Variants in ZNF131 observed in about 807,000 individuals in gnomAD.
The protein encoded by ZNF131 is zinc finger and BTB domain containing 35.
ZNF131 carries 7 observed loss-of-function variants against 60.0 expected under a neutral mutation model. That is an observed-to-expected ratio of 0.12 (90% confidence interval 0.07 to 0.22). ZNF131 has a LOEUF of 0.22. Ranked by LOEUF, ZNF131 falls within the 10% of genes least tolerant of loss-of-function variation. The pLI is 1.00. For missense variants in ZNF131, 493 were observed against 740.9 expected (o/e 0.67, Z 3.88); for synonymous variants, 257 against 253.2 (o/e 1.01, Z -0.14).
chr5:43,141,333 A>ATAATCTTTTTG (rs1746796373), intron 4 of ZNF131, among the ~76,000 whole-genome samples: 2 of 152,128 alleles, frequency 1.3e-5, no homozygotes, highest in African/African-American at 4.8e-5. Flanking sequence ...TCTTCTCAAA[A>ATAATCTTTTTG]AGATTAAAGG....
chr5:43,157,588 T>G (rs1036913400), intron 4 of ZNF131, among the ~76,000 whole-genome samples: 4 of 152,334 alleles, frequency 2.6e-5, no homozygotes, highest in Admixed American at 1.3e-4. Flanking sequence ...CCAATACTCT[T>G]CCTGCAACCA....
intron 5 of ZNF131, 67 bp downstream of exon 5, chr5:43,161,998 C>A: frequency 3.5e-6 from 5 of 1,435,252 alleles, no homozygotes; most frequent in Non-Finnish European, 4.6e-6. Flanking sequence ...GTATCTAAAT[C>A]CTTTTTAAAA....
At chr5:43,150,262 T>C (rs1748132105) in intron 4 of ZNF131, among the ~76,000 whole-genome samples, 1 of 152,212 alleles carries the variant, frequency 6.6e-6, no homozygotes, top group Non-Finnish European at 1.5e-5. Context: ...CTCTCCACTC[T>C]GGAAGAGGAC....
intron 3 of ZNF131, among the ~76,000 whole-genome samples, chr5:43,128,656 CAAAAAA>C (rs1170687481): frequency 8.6e-5 from 6 of 70,114 alleles, no homozygotes; most frequent in Non-Finnish European, 1.3e-4. Context: ...GACTCCATCT[CAAAAAA>C]AAAAAAAAAA....
intron 4 of ZNF131, among the ~76,000 whole-genome samples, chr5:43,157,698 T>G (rs964814237): frequency 1.3e-5 from 2 of 152,214 alleles, no homozygotes; most frequent in South Asian, 2.1e-4. Context: ...GAGAAATGTG[T>G]TGTTTCTCAG....
chr5:43,149,583 G>A (rs34973629), intron 4 of ZNF131, among the ~76,000 whole-genome samples: 14,769 of 152,210 alleles, frequency 0.097, 853 homozygotes, highest in East Asian at 0.19. Context: ...TGTATGGTAA[G>A]TATATGTTTA....
At chr5:43,129,775 C>T (rs1745059097) in intron 3 of ZNF131, among the ~76,000 whole-genome samples, 1 of 152,126 alleles carries the variant, frequency 6.6e-6, no homozygotes, top group African/African-American at 2.4e-5. Context: ...CTGCCTCAGC[C>T]TCCCCAGTGG....
At chr5:43,138,023 C>T (rs965209616) in intron 3 of ZNF131, among the ~76,000 whole-genome samples, 1 of 152,152 alleles carries the variant, frequency 6.6e-6, no homozygotes, top group Non-Finnish European at 1.5e-5. Flanking sequence ...ATAGTCACTT[C>T]CACTCATATG....
rs1441308958 is a variant in ZNF131 at position 43,176,112 on chromosome 5, C to T, written c.*979C>T. On this transcript the variant is annotated 3_prime_UTR_variant, in exon 7 of 7. Transcript: ENST00000682664. ...TTGTTTTGAATGGAATCTTTTCCCC[C>T]AATTCTTAATGTAAAGATCTTGTGC... 1 of 152,138 alleles carries T rather than the reference C, an allele frequency of 6.6e-6. No homozygotes were observed. The highest frequency in any genetic ancestry group is 1.9e-4 in the East Asian group (1 of 5,198). The allele number at this position is 152,138 out of a possible 1,614,324, so 9.4% of individuals were successfully genotyped here.
chr5:43,174,365 T>A, intron 6 of ZNF131, 82 bp from the exon 7 acceptor site: 1 of 1,258,966 alleles, frequency 7.9e-7, no homozygotes, highest in South Asian at 1.8e-5. Flanking sequence ...CTTCAATCTT[T>A]TCTTTACAGA....
intron 5 of ZNF131, among the ~76,000 whole-genome samples, chr5:43,167,507 C>A (rs1209421097): frequency 6.6e-6 from 1 of 152,086 alleles, no homozygotes; most frequent in Non-Finnish European, 1.5e-5. Context: ...AACGTATATA[C>A]CCCATTAGTT....
Position 43,162,969 on chromosome 5 carries a change from C to CTTTTTTTTTTTTTTTTTTTTTT in ZNF131, c.1054+1056_1054+1057insTTTTTTTTTTTTTTTTTTTTTT, listed in dbSNP as rs1205635519. On this transcript the variant is annotated intron_variant, in intron 5 of 6. Coordinates refer to ENST00000682664, the MANE Select transcript of ZNF131 (RefSeq NM_001330707.2). Reference sequence around the variant, plus strand: ...TTTATACTTCTTTTCTTTTATTTGCCTTTTTTTTTTTTTTTTTTGGCAGAT... The same window carrying CTTTTTTTTTTTTTTTTTTTTTT: ...TTTATACTTCTTTTCTTTTATTTGCCTTTTTTTTTTTTTTTTTTTTTTTTTTTTTTTTTTTTTTTTGGCAGAT... 3.7e-4 allele frequency among the ~76,000 whole-genome samples: 24 copies of CTTTTTTTTTTTTTTTTTTTTTT among 64,924 alleles called. 4 individuals are homozygous for CTTTTTTTTTTTTTTTTTTTTTT. The highest frequency in any genetic ancestry group is 8.9e-4 in the Admixed American group (3 of 3,370). 42.6% of individuals were successfully genotyped at this position (64,924 alleles called of 152,430 possible).
Position 43,161,817 on chromosome 5 carries a change from G to C in ZNF131, c.940G>C (p.Glu314Gln). The C allele has an allele frequency of 6.2e-7, 1 of 1,614,206 alleles. No homozygotes were observed. The highest frequency in any genetic ancestry group is 8.5e-7 in the Non-Finnish European group (1 of 1,180,044). The change falls in exon 5 of 7, where the codon GAA becomes CAA. Residue 314 changes from glutamate to glutamine, a missense_variant. Around this residue, in one of 7 missense-constraint regions of ZNF131, gnomAD observed 22 missense variants for 26.7 expected, o/e 0.82. Coordinates refer to ENST00000682664, the MANE Select transcript of ZNF131 (RefSeq NM_001330707.2). ...GCACCTAAATTGTTACCACCTTGAA[G>C]AAGGTGGAGTCAGTAAGAAGCAAAG... ...KQHLNCYHLE[E>Q]GGVSKKQRTG...
chr5:43,143,025 G>GCC (rs1747060958), intron 4 of ZNF131, among the ~76,000 whole-genome samples: 1 of 148,602 alleles, frequency 6.7e-6, no homozygotes, highest in Non-Finnish European at 1.5e-5. Flanking sequence ...AATCTTTCAA[G>GCC]CTTTTTTTTT....
chr5:43,158,730 A>G (rs935008958), intron 4 of ZNF131, among the ~76,000 whole-genome samples: 4 of 152,216 alleles, frequency 2.6e-5, no homozygotes, highest in African/African-American at 9.6e-5. Context: ...GTAGAGGGCC[A>G]TTTATTGCTT....
At chr5:43,157,454 A>T (rs1749103473) in intron 4 of ZNF131, among the ~76,000 whole-genome samples, 2 of 150,624 alleles carry the variant, frequency 1.3e-5, no homozygotes, top group South Asian at 4.2e-4. Flanking sequence ...ATTCCCAATG[A>T]ATCTTAGTAT....
In ZNF131 at chr5:43,175,526, ATTC is replaced by A. The variant is rs1164350365; in HGVS notation, c.*395_*397del. The stretch of plus-strand genomic sequence containing the variant: ...AAATCATTAGAATACAAGTTTATGT[ATTC>A]TAATGCATGTTAGAAAATTGAATAA... On this transcript the variant is annotated 3_prime_UTR_variant, in exon 7 of 7. Coordinates refer to ENST00000682664, the MANE Select transcript of ZNF131 (RefSeq NM_001330707.2). 1.5e-6 allele frequency: 1 copy of A among 685,734 alleles called. No individual in the cohort carries two copies. The highest frequency in any genetic ancestry group is 2.6e-6 in the Non-Finnish European group (1 of 380,508). The allele number at this position is 685,734 out of a possible 1,614,324, so 42.5% of individuals were successfully genotyped here. A position where few individuals can be genotyped will look rare whatever the true frequency, so the allele number is the denominator to read the frequency against.
intron 3 of ZNF131, among the ~76,000 whole-genome samples, chr5:43,128,177 T>C (rs951778499): frequency 3.3e-5 from 5 of 152,222 alleles, no homozygotes; most frequent in African/African-American, 1.2e-4. Flanking sequence ...TGCGCACTTC[T>C]GTTATGAAGG....
chr5:43,175,496 A>G lies in ZNF131; in HGVS notation c.*363A>G, dbSNP rs1380116856. ...AAATTTTTTCCATATTGTAAAATCAAACTTAAATCATTAGAATACAAGTTT... is the reference window on the plus strand; with the variant it reads ...AAATTTTTTCCATATTGTAAAATCAGACTTAAATCATTAGAATACAAGTTT... On this transcript the variant is annotated 3_prime_UTR_variant, in exon 7 of 7. Transcript: ENST00000682664. 5.7e-6 allele frequency: 4 copies of G among 699,110 alleles called. No individual in the cohort carries two copies. The highest frequency in any genetic ancestry group is 4.5e-5 in the South Asian group (3 of 66,306). The allele number at this position is 699,110 out of a possible 1,614,324, so 43.3% of individuals were successfully genotyped here.
Sources: allele counts gnomAD v4.1 joint callset (sites outside exome capture counted in the v4.1 genomes callset), GRCh38; gene constraint gnomAD v4.1.1; regional missense constraint gnomAD v4.1.1; transcripts MANE v1.5; gene names NCBI Gene and HGNC (gene_info 2026-07-23, HGNC 2026-07-21).